IFIT2: variants seen among roughly 807,000 people sequenced by gnomAD.
IFIT2 encodes the protein interferon-induced protein with tetratricopeptide repeats 2.
Under a neutral mutation model 2.5 loss-of-function variants are expected in IFIT2, and 3 were observed. The ratio of observed to expected loss-of-function variants is 1.21; its 90% CI spans 0.55 to 3.14. The LOEUF (loss-of-function observed/expected upper bound fraction) is 3.14. IFIT2 is among the 30% of genes most tolerant of loss of function. The pLI, the probability that IFIT2 is intolerant of heterozygous loss-of-function variation, is 0.03. For synonymous variants in IFIT2, 212 were observed against 200.7 expected (o/e 1.06, Z -0.48); for missense variants, 493 against 558.9 (o/e 0.88, Z 1.19).
Position 89,307,536 on chromosome 10 carries a change from G to A in IFIT2, c.*161G>A. 1 of 608,450 alleles carries A rather than the reference G, an allele frequency of 1.6e-6. No individual in the cohort carries two copies. Among genetic ancestry groups the A allele is most frequent in the Non-Finnish European group, 2.8e-6 (1 of 357,886 alleles). The allele number at this position is 608,450 out of a possible 1,614,324, so 37.7% of individuals were successfully genotyped here. A position where few individuals can be genotyped will look rare whatever the true frequency, so the allele number is the denominator to read the frequency against. On this transcript the variant is annotated 3_prime_UTR_variant, in exon 2 of 2. Coordinates refer to ENST00000371826, the MANE Select transcript of IFIT2 (RefSeq NM_001547.5). The stretch of plus-strand genomic sequence containing the variant: ...GTTATGTTAACACCTGAATTGCTGG[G>A]TCTTGAGAGAGCCCAAGGAGTTCTG...
chr10:89,306,483 C>G lies in IFIT2; in HGVS notation c.527C>G (p.Ser176Cys). The change falls in exon 2 of 2, where the codon TCT (serine) becomes TGT (cysteine). Residue 176 changes from serine to cysteine, a missense_variant. Coordinates refer to ENST00000371826, the MANE Select transcript of IFIT2 (RefSeq NM_001547.5). ...AAGCCAAAGAACCCAGAATTCACCTCTGGACTGGCAATAGCAAGCTACCGT... is the reference window on the plus strand; with the variant it reads ...AAGCCAAAGAACCCAGAATTCACCTGTGGACTGGCAATAGCAAGCTACCGT... ...EKKPKNPEFTSGLAIASYRLD... is the reference protein window; with the variant it reads ...EKKPKNPEFTCGLAIASYRLD... 1.2e-6 allele frequency: 2 copies of G among 1,614,140 alleles called. No homozygotes were observed. The highest frequency in any genetic ancestry group is 1.7e-6 in the Non-Finnish European group (2 of 1,180,010).
intron 1 of IFIT2, 92 bp from the exon 2 acceptor site, chr10:89,305,870 C>G: frequency 1.2e-6 from 1 of 856,386 alleles, no homozygotes; most frequent in Non-Finnish European, 1.9e-6. Flanking sequence ...TGTTAACAGC[C>G]TTTAGGAGGA....
chr10:89,306,903 T>C lies in IFIT2; in HGVS notation c.947T>C (p.Ile316Thr), dbSNP rs759583775. The C allele has an allele frequency of 2.5e-6, 4 of 1,613,996 alleles. No homozygotes were observed. Among genetic ancestry groups the C allele is most frequent in the Non-Finnish European group, 2.5e-6 (3 of 1,179,930 alleles). ...MYGKRKLLEL[I>T]GHAVAHLKKA... The stretch of plus-strand genomic sequence containing the variant: ...GGGAAAAGAAAGTTACTGGAACTAA[T>C]AGGACACGCTGTGGCTCATCTGAAG... Residue 316 changes from isoleucine (I) to threonine (T), a missense_variant, in exon 2 of 2, where the codon ATA becomes ACA. Ile to Thr is a moderately conservative substitution (Grantham distance 89, BLOSUM62 -1). Coordinates refer to ENST00000371826, the MANE Select transcript of IFIT2 (RefSeq NM_001547.5).
In IFIT2 at chr10:89,307,190, A is replaced by G. The variant is rs1330372673; in HGVS notation, c.1234A>G (p.Lys412Glu). The G allele has an allele frequency of 6.2e-7, 1 of 1,614,104 alleles. No homozygotes were observed. Among genetic ancestry groups the G allele is most frequent in the Admixed American group, 1.7e-5 (1 of 60,016 alleles). ...NQKSREKEKM[K>E]DKLQKIAKMR... ...GAAATCAAGGGAGAAAGAAAAGATG[A>G]AAGACAAACTGCAAAAAATTGCCAA... Residue 412 changes from lysine (K) to glutamate (E), a missense_variant, in exon 2 of 2, where the codon AAA (lysine) becomes GAA (glutamate). By Grantham distance (56) the Lys-to-Glu change is moderately conservative. Transcript: ENST00000371826.
Position 89,306,453 on chromosome 10 carries a change from A to T in IFIT2, c.497A>T (p.Glu166Val). 6.2e-7 allele frequency: 1 copy of T among 1,614,122 alleles called. No homozygotes were observed. The highest frequency in any genetic ancestry group is 1.1e-5 in the South Asian group (1 of 91,088). The change falls in exon 2 of 2, where the codon GAA (glutamate) becomes GTA (valine). Residue 166 changes from glutamate (E) to valine (V), a missense_variant. Transcript: ENST00000371826. Reference sequence around the variant, plus strand: ...AAGGTGTGCTTTGAGAAGGCTCTGGAAAAGAAGCCAAAGAACCCAGAATTC... The same window carrying T: ...AAGGTGTGCTTTGAGAAGGCTCTGGTAAAGAAGCCAAAGAACCCAGAATTC... ...RAKVCFEKAL[E>V]KKPKNPEFTS...
At position 89,306,238 on chromosome 10, in the gene IFIT2, G is replaced by A. The variant is rs1215687823; in HGVS notation, c.282G>A (p.Leu94=). The A allele has an allele frequency of 5.0e-6, 8 of 1,614,112 alleles. No individual in the cohort carries two copies. Among genetic ancestry groups the A allele is most frequent in the Non-Finnish European group, 6.8e-6 (8 of 1,179,998 alleles). ...CTGACCAGGCAGAAATCAGAAGTCTGGTCACCTGGGGAAACTATGCCTGGG... is the reference window on the plus strand; with the variant it reads ...CTGACCAGGCAGAAATCAGAAGTCTAGTCACCTGGGGAAACTATGCCTGGG... The part of the protein sequence containing the change: ...EHADQAEIRS[L]VTWGNYAWVY... The change falls in exon 2 of 2, where the codon CTG becomes CTA. Residue 94 remains leucine (L), a synonymous_variant. Coordinates refer to ENST00000371826, the MANE Select transcript of IFIT2 (RefSeq NM_001547.5).
Position 89,306,440 on chromosome 10 carries a change from G to A in IFIT2, c.484G>A (p.Glu162Lys). The A allele has an allele frequency of 6.2e-7, 1 of 1,614,120 alleles. No individual in the cohort carries two copies. Among genetic ancestry groups the A allele is most frequent in the Non-Finnish European group, 8.5e-7 (1 of 1,180,002 alleles). ...NQNERAKVCF[E>K]KALEKKPKNP... is the part of the protein sequence containing the mutation. ...AAATGAAAGAGCGAAGGTGTGCTTT[G>A]AGAAGGCTCTGGAAAAGAAGCCAAA... is the stretch of plus-strand genomic sequence containing the variant. Residue 162 changes from glutamate (E) to lysine (K), a missense_variant, in exon 2 of 2, where the codon GAG (glutamate) becomes AAG (lysine). By Grantham distance (56) the Glu-to-Lys change is moderately conservative (BLOSUM62 1). Transcript: ENST00000371826.
In IFIT2 at chr10:89,308,878, G is replaced by A. The variant is rs1843500039; in HGVS notation, c.*1503G>A. On this transcript the variant is annotated 3_prime_UTR_variant, in exon 2 of 2. Transcript: ENST00000371826. Reference sequence around the variant, plus strand: ...GTGCAAAATTTGTATTCCTGAAAATGTCATATATTTTCATTAATAAATAAC... The same window carrying A: ...GTGCAAAATTTGTATTCCTGAAAATATCATATATTTTCATTAATAAATAAC... 6.6e-6 allele frequency: 1 copy of A among 152,126 alleles called. No homozygotes were observed. Among genetic ancestry groups the A allele is most frequent in the Non-Finnish European group, 1.5e-5 (1 of 68,030 alleles). 9.4% of individuals were successfully genotyped at this position (152,126 alleles called of 1,614,324 possible). A position where few individuals can be genotyped will look rare whatever the true frequency, so the allele number is the denominator to read the frequency against.
chr10:89,306,158 G>C lies in IFIT2; in HGVS notation c.202G>C (p.Glu68Gln), dbSNP rs532385968. The C allele has an allele frequency of 6.2e-7, 1 of 1,614,088 alleles. No individual in the cohort carries two copies. The highest frequency in any genetic ancestry group is 8.5e-7 in the Non-Finnish European group (1 of 1,179,982). ...AYLKHLKGQN[E>Q]AALECLRKAE... ...TCTAAAGCACCTCAAAGGGCAAAACGAGGCAGCCCTGGAATGCTTACGTAA... is the reference window on the plus strand; with the variant it reads ...TCTAAAGCACCTCAAAGGGCAAAACCAGGCAGCCCTGGAATGCTTACGTAA... The change falls in exon 2 of 2, where the codon GAG (glutamate) becomes CAG (glutamine). Residue 68 changes from glutamate to glutamine, a missense_variant. Physicochemically the swap from Glu to Gln is conservative, Grantham distance 29. Transcript: ENST00000371826.
rs377588926 is a variant in IFIT2 at position 89,306,749 on chromosome 10, A to G, written c.793A>G (p.Lys265Glu). 27 of 1,614,048 alleles carry G rather than the reference A, an allele frequency of 1.7e-5. No homozygotes were observed. The African/African-American group carries it at 3.6e-4, about 22-fold the overall frequency. The change falls in exon 2 of 2, where the codon AAA becomes GAA. Residue 265 changes from lysine to glutamate, a missense_variant. By Grantham distance (56) the Lys-to-Glu change is moderately conservative. Coordinates refer to ENST00000371826, the MANE Select transcript of IFIT2 (RefSeq NM_001547.5). ...TTATCGAAGAAAAGATGAGCCAGAC[A>G]AAGCGATTGAACTGCTTAAAAAGGC... ...KFYRRKDEPDKAIELLKKALE... is the reference protein window; with the variant it reads ...KFYRRKDEPDEAIELLKKALE...
chr10:89,306,967 T>C lies in IFIT2; in HGVS notation c.1011T>C (p.Cys337=), dbSNP rs114752135. ...DEANDNLFRV[C]SILASLHALA... Reference sequence around the variant, plus strand: ...CCAATGATAATCTCTTCCGTGTCTGTTCCATTCTTGCCAGCCTCCATGCTC... The same window carrying C: ...CCAATGATAATCTCTTCCGTGTCTGCTCCATTCTTGCCAGCCTCCATGCTC... Residue 337 remains cysteine (C), a synonymous_variant, in exon 2 of 2, where the codon TGT becomes TGC. Coordinates refer to ENST00000371826, the MANE Select transcript of IFIT2 (RefSeq NM_001547.5). 2.3e-5 allele frequency: 37 copies of C among 1,614,070 alleles called. No homozygotes were observed. The African/African-American group carries it at 4.3e-4, about 19-fold the overall frequency.
intron 1 of IFIT2, among the ~76,000 whole-genome samples, chr10:89,302,970 GAT>G (rs1327371240): frequency 1.4e-5 from 2 of 147,550 alleles, no homozygotes; most frequent in Non-Finnish European, 3.0e-5. Flanking sequence ...TTCTTGAAAC[GAT>G]ATTATTTCCT....
chr10:89,307,363 G>T lies in IFIT2; in HGVS notation c.1407G>T (p.Trp469Cys). The change falls in exon 2 of 2, where the codon TGG (tryptophan) becomes TGT (cysteine). Residue 469 changes from tryptophan to cysteine, a missense_variant. Physicochemically the swap from Trp to Cys is radical, Grantham distance 215 (BLOSUM62 -2). Coordinates refer to ENST00000371826, the MANE Select transcript of IFIT2 (RefSeq NM_001547.5). ...SGSLIPSASS[W>C]NGE is the part of the protein sequence containing the mutation. ...GCCTCATCCCTTCAGCATCAAGCTGGAATGGGGAATGAAGAATAGAGATGT... is the reference window on the plus strand; with the variant it reads ...GCCTCATCCCTTCAGCATCAAGCTGTAATGGGGAATGAAGAATAGAGATGT... The T allele has an allele frequency of 6.3e-7, 1 of 1,599,030 alleles. No individual in the cohort carries two copies. Among genetic ancestry groups the T allele is most frequent in the South Asian group, 1.1e-5 (1 of 90,100 alleles).
At chr10:89,304,619 G>C (rs535801528) in intron 1 of IFIT2, among the ~76,000 whole-genome samples, 1 of 152,164 alleles carries the variant, frequency 6.6e-6, no homozygotes, top group African/African-American at 2.4e-5. Flanking sequence ...ATTTAAATAA[G>C]AAAAGGCAAC....
chr10:89,307,084 G>C lies in IFIT2; in HGVS notation c.1128G>C (p.Arg376=), dbSNP rs1026002095. Residue 376 remains arginine, a synonymous_variant, in exon 2 of 2, where the codon CGG becomes CGC. Transcript: ENST00000371826. The part of the protein sequence containing the change: ...TPVAKQLLHL[R]YGNFQLYQMK... ...TAGCGAAACAACTGCTCCATCTGCG[G>C]TATGGCAACTTTCAGCTGTACCAAA... 6.2e-7 allele frequency: 1 copy of C among 1,614,040 alleles called. No homozygotes were observed. Among genetic ancestry groups the C allele is most frequent in the South Asian group, 1.1e-5 (1 of 91,080 alleles).
chr10:89,306,624 G>A lies in IFIT2; in HGVS notation c.668G>A (p.Arg223His), dbSNP rs757639216. The A allele has an allele frequency of 2.4e-5, 38 of 1,613,946 alleles. No homozygotes were observed. The highest frequency in any genetic ancestry group is 1.6e-4 in the Middle Eastern group (1 of 6,084). ...CTGGCTCTGAAGCTTCATAAGATGC[G>A]TGAAGAAGGTGAAGAGGAAGGTGAA... ...VLLALKLHKM[R>H]EEGEEEGEGE... Residue 223 changes from arginine to histidine, a missense_variant, in exon 2 of 2, where the codon CGT becomes CAT. Arg to His is a conservative substitution (Grantham distance 29, BLOSUM62 0). Coordinates refer to ENST00000371826, the MANE Select transcript of IFIT2 (RefSeq NM_001547.5).
chr10:89,303,990 C>G (rs1843462200), intron 1 of IFIT2, among the ~76,000 whole-genome samples: 1 of 152,170 alleles, frequency 6.6e-6, no homozygotes, highest in African/African-American at 2.4e-5. Context: ...CCTCCAAGCT[C>G]CCCAGTGTCC....
At position 89,302,076 on chromosome 10, in the gene IFIT2, G is replaced by A; in HGVS notation, c.-48G>A. ...AAGAGGAAGATTTCTGAAGAGTGCA[G>A]CTGCCTGAACCGAGCCCTGCCGAAC... On this transcript the variant is annotated 5_prime_UTR_variant, in exon 1 of 2. Coordinates refer to ENST00000371826, the MANE Select transcript of IFIT2 (RefSeq NM_001547.5). The A allele has an allele frequency of 1.2e-6, 2 of 1,612,832 alleles. No homozygotes were observed. The highest frequency in any genetic ancestry group is 1.7e-6 in the Non-Finnish European group (2 of 1,178,850).
At position 89,306,082 on chromosome 10, in the gene IFIT2, T is replaced by G; in HGVS notation, c.126T>G (p.Thr42=). 2 of 1,614,150 alleles carry G rather than the reference T, an allele frequency of 1.2e-6. No individual in the cohort carries two copies. The highest frequency in any genetic ancestry group is 1.7e-6 in the Non-Finnish European group (2 of 1,180,004). The change falls in exon 2 of 2, where the codon ACT becomes ACG. Residue 42 remains threonine, a synonymous_variant. Transcript: ENST00000371826. Reference sequence around the variant, plus strand: ...TTGAAGACAAAGTATTTTACCGGACTGAGTTTCAGAATCGTGAATTCAAAG... The same window carrying G: ...TTGAAGACAAAGTATTTTACCGGACGGAGTTTCAGAATCGTGAATTCAAAG... ...DDFEDKVFYR[T]EFQNREFKAT... is the part of the protein sequence containing the mutation.
Sources: gnomAD v4.1 joint callset for allele counts (sites outside exome capture counted in the v4.1 genomes callset) on GRCh38, gnomAD v4.1.1 for gene constraint, MANE v1.5 for transcripts, NCBI Gene and HGNC (gene_info 2026-07-23, HGNC 2026-07-21) for gene names.